The following SREK1IP1 variants were observed in gnomAD, a reference collection of about 807,000 sequenced individuals.
The protein encoded by SREK1IP1 is protein SREK1IP1.
In SREK1IP1, 12 loss-of-function variants were observed where a neutral mutation model predicts 22.8. The ratio of observed to expected loss-of-function variants is 0.53; its 90% confidence interval spans 0.34 to 0.85. The LOEUF (loss-of-function observed/expected upper bound fraction) is 0.85. SREK1IP1 is among the 40% of genes least tolerant of loss of function. The pLI, the probability that SREK1IP1 is intolerant of heterozygous loss-of-function variation, is 0.02. For missense variants in SREK1IP1, 147 were observed against 171.8 expected (o/e 0.86, Z 0.81); for synonymous variants, 53 against 52.7 (o/e 1.01, Z -0.02).
chr5:64,748,370 G>C (rs2112102774), intron 2 of SREK1IP1, among the ~76,000 whole-genome samples: 1 of 151,850 alleles, frequency 6.6e-6, no homozygotes, highest in East Asian at 1.9e-4. Context: ...TTACAGATTT[G>C]GGGCAATGAA....
rs371102556 is a variant in SREK1IP1, at chr5:64,724,335, C to T, written c.*49G>A. ...AGCAAATTCCAAGGAAGGGCAAACA[C>T]GTTTTAAAAACAAATTTTTAAATTT... On this transcript the variant is annotated 3_prime_UTR_variant, in exon 5 of 5. Transcript: ENST00000513458. The T allele has an allele frequency of 3.1e-5, 45 of 1,454,318 alleles. No individual in the cohort carries two copies. The African/African-American group carries it at 3.6e-4, about 12-fold the overall frequency. 90.1% of individuals were successfully genotyped at this position (1,454,318 alleles called of 1,614,324 possible). A position where few individuals can be genotyped will look rare whatever the true frequency, so the allele number is the denominator to read the frequency against.
chr5:64,760,136 G>C (rs1742920972), intron 1 of SREK1IP1, among the ~76,000 whole-genome samples: 1 of 152,110 alleles, frequency 6.6e-6, no homozygotes, highest in Non-Finnish European at 1.5e-5. Context: ...AATGGGGATG[G>C]TTTTTATTTA....
intron 2 of SREK1IP1, among the ~76,000 whole-genome samples, chr5:64,750,468 T>C (rs1056911787): frequency 6.6e-6 from 1 of 152,180 alleles, no homozygotes; most frequent in African/African-American, 2.4e-5. Flanking sequence ...TCTGGGTTGT[T>C]ACCCACCACT....
intron 2 of SREK1IP1, among the ~76,000 whole-genome samples, chr5:64,753,499 C>G (rs1742784221): frequency 6.6e-6 from 1 of 152,172 alleles, no homozygotes; most frequent in Non-Finnish European, 1.5e-5. Context: ...TTTAGCTTTG[C>G]TTGGAAGTAT....
intron 2 of SREK1IP1, 138 bp from the exon 3 acceptor site, chr5:64,741,338 G>A: frequency 3.6e-6 from 3 of 838,372 alleles, no homozygotes; most frequent in Non-Finnish European, 3.7e-6. Flanking sequence ...CTTTTATTCA[G>A]TTGGTAGTAG....
intron 1 of SREK1IP1, among the ~76,000 whole-genome samples, chr5:64,765,725 A>G (rs970948916): frequency 3.9e-5 from 6 of 152,250 alleles, no homozygotes; most frequent in Admixed American, 2.0e-4. Context: ...AAGAAGGTTA[A>G]CATATCTATA....
rs183328983 is a variant in SREK1IP1, at chr5:64,759,413, G to T, written c.14-5051C>A. ...GCAGTTCTTGGCTCCATTCCTTTTT[G>T]AAGTTTGCTAAGGCTGTTCAGAGTA... On this transcript the variant is annotated intron_variant, in intron 1 of 4. Coordinates refer to ENST00000513458, the MANE Select transcript of SREK1IP1 (RefSeq NM_173829.4). 2.2e-3 allele frequency among the ~76,000 whole-genome samples: 335 copies of T among 152,180 alleles called. 1 individual carries two copies. The highest frequency in any genetic ancestry group is 7.8e-3 in the African/African-American group (323 of 41,514).
intron 1 of SREK1IP1, among the ~76,000 whole-genome samples, chr5:64,760,896 T>C (rs1275195601): frequency 2.0e-5 from 3 of 152,230 alleles, no homozygotes; most frequent in Non-Finnish European, 4.4e-5. Flanking sequence ...GTAAGAGACA[T>C]GTCACTATAT....
At chr5:64,733,792 A>G (rs1742415414) in intron 3 of SREK1IP1, among the ~76,000 whole-genome samples, 1 of 152,124 alleles carries the variant, frequency 6.6e-6, no homozygotes, top group African/African-American at 2.4e-5. Context: ...CATAACATAC[A>G]CTACTATTCA....
At chr5:64,751,779 A>G (rs896636198) in intron 2 of SREK1IP1, among the ~76,000 whole-genome samples, 1 of 152,252 alleles carries the variant, frequency 6.6e-6, no homozygotes, top group Non-Finnish European at 1.5e-5. Context: ...CCTTTGAAGA[A>G]GCAAACTATA....
At chr5:64,759,153 TCCC>T (rs1742901930) in intron 1 of SREK1IP1, among the ~76,000 whole-genome samples, 1 of 152,206 alleles carries the variant, frequency 6.6e-6, no homozygotes, top group African/African-American at 2.4e-5. Context: ...GGATATGGGT[TCCC>T]TGGGTCATTT....
chr5:64,736,855 T>C lies in SREK1IP1; in HGVS notation c.205+4202A>G, dbSNP rs113188566. On this transcript the variant is annotated intron_variant, in intron 3 of 4. Coordinates refer to ENST00000513458, the MANE Select transcript of SREK1IP1 (RefSeq NM_173829.4). ...ATTCCTGGTATTCTTTGCTTTGAAA[T>C]CTACTTGGTCTGACATTAAAATTGT... Among the ~76,000 whole-genome samples, 217 of 152,162 alleles carry C rather than the reference T, an allele frequency of 1.4e-3. 1 individual carries two copies. Among genetic ancestry groups the C allele is most frequent in the African/African-American group, 4.0e-3 (168 of 41,510 alleles).
At chr5:64,758,775 T>C (rs1358915664) in intron 1 of SREK1IP1, among the ~76,000 whole-genome samples, 1 of 152,184 alleles carries the variant, frequency 6.6e-6, no homozygotes, top group East Asian at 1.9e-4. Flanking sequence ...TCCCACAGTT[T>C]TAGAGTAAAC....
chr5:64,753,311 G>A (rs926629027), intron 2 of SREK1IP1, among the ~76,000 whole-genome samples: 5 of 152,090 alleles, frequency 3.3e-5, no homozygotes, highest in African/African-American at 1.2e-4. Context: ...AGTAAACAAA[G>A]TTAGCAATGC....
chr5:64,718,945 T>C lies in SREK1IP1; in HGVS notation c.*5439A>G, dbSNP rs532741120. On this transcript the variant is annotated 3_prime_UTR_variant, in exon 5 of 5. Transcript: ENST00000513458. ...CAAAAACTAGCATTTCAAAATGTGC[T>C]GAATACAGCTTCTCTGGTCTGATAT... 6.6e-6 allele frequency: 1 copy of C among 152,350 alleles called. No homozygotes were observed. Among genetic ancestry groups the C allele is most frequent in the Admixed American group, 6.5e-5 (1 of 15,300 alleles). 9.4% of individuals were successfully genotyped at this position (152,350 alleles called of 1,614,324 possible).
intron 2 of SREK1IP1, among the ~76,000 whole-genome samples, chr5:64,746,614 C>T (rs1036581148): frequency 1.3e-5 from 2 of 152,088 alleles, no homozygotes; most frequent in African/African-American, 4.8e-5. Flanking sequence ...TAAAGAAATG[C>T]AAATCAAAAC....
chr5:64,752,428 G>C (rs954516022), intron 2 of SREK1IP1, among the ~76,000 whole-genome samples: 1 of 152,216 alleles, frequency 6.6e-6, no homozygotes, highest in South Asian at 2.1e-4. Flanking sequence ...TGGGATTACA[G>C]GCGTGAGCCA....
At chr5:64,742,877 G>A (rs1223865921) in intron 2 of SREK1IP1, among the ~76,000 whole-genome samples, 1 of 151,978 alleles carries the variant, frequency 6.6e-6, no homozygotes, top group Non-Finnish European at 1.5e-5. Context: ...TTGTTTCTTA[G>A]TCTAGTCTGC....
At chr5:64,729,262 AG>A (rs1742332400) in intron 3 of SREK1IP1, among the ~76,000 whole-genome samples, 1 of 152,216 alleles carries the variant, frequency 6.6e-6, no homozygotes. Context: ...CCTTGCCCAC[AG>A]GGAACTTATA....
Sources: allele counts gnomAD v4.1 joint callset (sites outside exome capture counted in the v4.1 genomes callset), GRCh38; gene constraint gnomAD v4.1.1; transcripts MANE v1.5; gene names NCBI Gene and HGNC (gene_info 2026-07-23, HGNC 2026-07-21).